FBXL20: variants seen among roughly 807,000 people sequenced by gnomAD.
FBXL20 encodes the protein F-box and leucine rich repeat protein 20.
FBXL20 carries 11 observed loss-of-function variants against 64.0 expected under a neutral mutation model. The observed-to-expected ratio is 0.17, with a 90% CI of 0.11 to 0.28. The LOEUF (loss-of-function observed/expected upper bound fraction) is 0.28. FBXL20 is among the 10% of genes least tolerant of loss of function. The pLI, the probability that FBXL20 is intolerant of heterozygous loss-of-function variation, is 1.00. For synonymous variants in FBXL20, 184 were observed against 189.0 expected (o/e 0.97, Z 0.22); for missense variants, 303 against 526.2 (o/e 0.58, Z 4.15).
chr17:39,288,288 C>T (rs2047006940), intron 6 of FBXL20, among the ~76,000 whole-genome samples: 1 of 152,012 alleles, frequency 6.6e-6, no homozygotes, highest in Non-Finnish European at 1.5e-5. Flanking sequence ...TTTTCTTATG[C>T]TTATTTGCCA....
In FBXL20 at chr17:39,351,589, T is replaced by A. The variant is rs79923060; in HGVS notation, c.43-8348A>T. On this transcript the variant is annotated intron_variant, in intron 1 of 14. Transcript: ENST00000264658. The stretch of plus-strand genomic sequence containing the variant: ...TCAAGGCTATAACAAATTACAACAA[T>A]CTTGTGAAGGATTTTCAATATAACA... 0.013 allele frequency among the ~76,000 whole-genome samples: 2,034 copies of A among 152,268 alleles called. 127 individuals carry two copies. In the East Asian group the frequency reaches 0.17, roughly 13 times the overall value.
intron 2 of FBXL20, among the ~76,000 whole-genome samples, chr17:39,322,463 C>T (rs1225207591): frequency 2.0e-5 from 3 of 151,930 alleles, no homozygotes; most frequent in Admixed American, 1.3e-4. Flanking sequence ...TAACCTGATA[C>T]CTGTGAACAT....
At chr17:39,337,697 C>G (rs1308281842) in intron 2 of FBXL20, among the ~76,000 whole-genome samples, 1 of 151,472 alleles carries the variant, frequency 6.6e-6, no homozygotes, top group Non-Finnish European at 1.5e-5. Context: ...AAGTGAGGAG[C>G]CCCTCCGCCC....
intron 1 of FBXL20, among the ~76,000 whole-genome samples, chr17:39,379,241 C>G (rs866893327): frequency 6.6e-6 from 1 of 150,714 alleles, no homozygotes; most frequent in South Asian, 2.1e-4. Flanking sequence ...AATAAAATAA[C>G]ATAATAATAA....
Position 39,374,893 on chromosome 17 carries a change from TCTC to T in FBXL20, c.42+26465_42+26467del, listed in dbSNP as rs368073438. Among the ~76,000 whole-genome samples the T allele has an allele frequency of 3.9e-4, 59 of 152,200 alleles. 1 individual carries two copies. The South Asian group carries it at 0.012, about 31-fold the overall frequency. ...CCTCCGCCTCCTGGGTTCAAGCAAT[TCTC>T]CTGCCTCAGCCTCCCGAGCAGCCGG... On this transcript the variant is annotated intron_variant, in intron 1 of 14. Transcript: ENST00000264658.
At chr17:39,322,343 T>C (rs919249906) in intron 2 of FBXL20, among the ~76,000 whole-genome samples, 5 of 152,142 alleles carry the variant, frequency 3.3e-5, no homozygotes, top group Non-Finnish European at 7.4e-5. Context: ...ATAAATTCTT[T>C]AGGTAATGAC....
chr17:39,310,124 G>GT (rs1215562749), intron 2 of FBXL20, among the ~76,000 whole-genome samples: 1 of 149,246 alleles, frequency 6.7e-6, no homozygotes, highest in Non-Finnish European at 1.5e-5. Context: ...CTGCACTCCA[G>GT]TGACAGAATG....
intron 7 of FBXL20, 39 bp downstream of exon 7, chr17:39,285,439 T>G: frequency 7.2e-7 from 1 of 1,379,784 alleles, no homozygotes; most frequent in Non-Finnish European, 9.9e-7. Context: ...ATATGTATTT[T>G]TTTTTGATTA....
intron 1 of FBXL20, among the ~76,000 whole-genome samples, chr17:39,365,997 A>AC (rs914654875): frequency 3.4e-5 from 5 of 147,604 alleles, no homozygotes; most frequent in African/African-American, 1.2e-4. Flanking sequence ...ATTTAAAAAA[A>AC]TTTTTTTTTT....
intron 10 of FBXL20, 87 bp from the exon 11 acceptor site, chr17:39,270,943 C>A: frequency 9.4e-7 from 1 of 1,062,952 alleles, no homozygotes; most frequent in Non-Finnish European, 1.4e-6. Flanking sequence ...TTTACAAAAA[C>A]AATCTTCTAT....
At chr17:39,301,447 G>A (rs1202000311) in intron 3 of FBXL20, among the ~76,000 whole-genome samples, 1 of 152,094 alleles carries the variant, frequency 6.6e-6, no homozygotes, top group African/African-American at 2.4e-5. Context: ...TAAAAACTTG[G>A]TCGGGCATGG....
chr17:39,401,042 T>C (rs2048236636), intron 1 of FBXL20, among the ~76,000 whole-genome samples: 2 of 151,714 alleles, frequency 1.3e-5, no homozygotes, highest in Non-Finnish European at 2.9e-5. Flanking sequence ...GATGGCTGGG[T>C]GGAAGGAGGC....
At chr17:39,368,682 G>A (rs1720632748) in intron 1 of FBXL20, among the ~76,000 whole-genome samples, 1 of 152,108 alleles carries the variant, frequency 6.6e-6, no homozygotes, top group Non-Finnish European at 1.5e-5. Flanking sequence ...TTGAGATGGT[G>A]TCTCGCTCTG....
chr17:39,300,563 T>C (rs1011876671), intron 4 of FBXL20, among the ~76,000 whole-genome samples: 2 of 152,196 alleles, frequency 1.3e-5, no homozygotes, highest in East Asian at 3.8e-4. Flanking sequence ...TTTGGCCTCA[T>C]TCAACCTTCG....
intron 8 of FBXL20, among the ~76,000 whole-genome samples, chr17:39,282,351 T>TA (rs1001113527): frequency 6.6e-6 from 1 of 152,216 alleles, no homozygotes; most frequent in Non-Finnish European, 1.5e-5. Context: ...CACTGGTGGT[T>TA]AAAAAACAAG....
chr17:39,332,213 A>C (rs1485366451), intron 2 of FBXL20, among the ~76,000 whole-genome samples: 1 of 152,228 alleles, frequency 6.6e-6, no homozygotes, highest in Admixed American at 6.5e-5. Context: ...ATTGTGTGCG[A>C]GCTTCTCTGA....
In FBXL20 at chr17:39,261,463, T is replaced by C. The variant is rs1320227939; in HGVS notation, c.1308A>G (p.Leu436=). Residue 436 remains leucine (L), a synonymous_variant, in exon 15 of 15, where the codon CTA becomes CTG. Transcript: ENST00000264658. ...CCAAGGTTGACCACCTCCATTGTCATAGGATGATGCAGCATCTGCAGAAGC... is the reference window on the plus strand; with the variant it reads ...CCAAGGTTGACCACCTCCATTGTCACAGGATGATGCAGCATCTGCAGAAGC... ...RQRFCRCCII[L] 9.9e-6 allele frequency: 16 copies of C among 1,612,658 alleles called. No homozygotes were observed. Among genetic ancestry groups the C allele is most frequent in the African/African-American group, 2.7e-5 (2 of 74,888 alleles).
chr17:39,374,345 A>G (rs573383688), intron 1 of FBXL20, among the ~76,000 whole-genome samples: 1 of 152,116 alleles, frequency 6.6e-6, no homozygotes, highest in South Asian at 2.1e-4. Flanking sequence ...CCTGGCCAAC[A>G]TAGTGAAACC....
At chr17:39,396,908 C>T (rs1340607320) in intron 1 of FBXL20, among the ~76,000 whole-genome samples, 1 of 148,396 alleles carries the variant, frequency 6.7e-6, no homozygotes, top group Non-Finnish European at 1.5e-5. Flanking sequence ...AGTGAGCTGA[C>T]ATCACGTCAC....
Sources: allele counts gnomAD v4.1 joint callset (sites outside exome capture counted in the v4.1 genomes callset), GRCh38; gene constraint gnomAD v4.1.1; transcripts MANE v1.5; gene names NCBI Gene and HGNC (gene_info 2026-07-23, HGNC 2026-07-21).